Variants in COL11A1 observed in about 807,000 individuals in gnomAD.
The protein encoded by COL11A1 is collagen alpha-1(XI) chain.
In COL11A1, 74 loss-of-function variants were observed where a neutral mutation model predicts 265.2. The observed-to-expected ratio is 0.28, with a 90% CI of 0.23 to 0.34. The LOEUF is 0.34. Ranked by LOEUF, COL11A1 falls within the 10% of genes least tolerant of loss-of-function variation. The probability of loss-of-function intolerance (pLI) is 1.00; values close to 1 mark genes in which losing one functional copy is unlikely to be tolerated. For synonymous variants in COL11A1, 816 were observed against 727.6 expected, an observed-to-expected ratio of 1.12 and a Z score of -1.96; for missense variants, 2,165 against 2,263.6, an observed-to-expected ratio of 0.96 and a Z score of 0.88.
intron 14 of COL11A1, 82 bp downstream of exon 14, chr1:103,012,331 T>G: frequency 2.0e-6 from 2 of 1,003,138 alleles, no homozygotes; most frequent in Non-Finnish European, 3.2e-6. Flanking sequence ...ACCATAGATA[T>G]GCACAATCCC....
intron 14 of COL11A1, among the ~76,000 whole-genome samples, chr1:103,011,957 C>A (rs1666166572): frequency 6.6e-6 from 1 of 152,156 alleles, no homozygotes; most frequent in South Asian, 2.1e-4. Flanking sequence ...GTTGAAGCAC[C>A]TTGTGGAATA....
At position 102,978,178 on chromosome 1, in the gene COL11A1, G is replaced by A. The variant is rs185654452; in HGVS notation, c.2754+530C>T. On this transcript the variant is annotated intron_variant, in intron 35 of 66. Transcript: ENST00000370096. ...TATTTTGCCAAAAAATCCAAACAAA[G>A]GGCATGCTTGTTCATATGTATTTGG... Among the ~76,000 whole-genome samples, 254 of 152,112 alleles carry A rather than the reference G, an allele frequency of 1.7e-3. 1 individual carries two copies. The highest frequency in any genetic ancestry group is 0.01 in the Middle Eastern group (3 of 294).
At position 103,005,850 on chromosome 1, in the gene COL11A1, G is replaced by T; in HGVS notation, c.1833C>A (p.Asp611Glu). 1 of 1,613,956 alleles carries T rather than the reference G, an allele frequency of 6.2e-7. No homozygotes were observed. The highest frequency in any genetic ancestry group is 8.5e-7 in the Non-Finnish European group (1 of 1,180,004). Residue 611 changes from aspartate (D) to glutamate (E), a missense_variant, in exon 18 of 67, where the codon GAC (aspartate) becomes GAA (glutamate). Physicochemically the swap from Asp to Glu is conservative, Grantham distance 45 (BLOSUM62 2). Coordinates refer to ENST00000370096, the MANE Select transcript of COL11A1 (RefSeq NM_001854.4). ...AGATGTATCTTACCCTGTGACCTTT[G>T]TCACCTGGCAGACCCGGAAGTCCAT... ...GFDGLPGLPG[D>E]KGHRGERGPQ...
In COL11A1 at chr1:103,020,148, C is replaced by T. The variant is rs182571250; in HGVS notation, c.1309-1289G>A. Among the ~76,000 whole-genome samples the T allele has an allele frequency of 7.1e-3, 1,077 of 151,968 alleles. 14 individuals are homozygous for T. The highest frequency in any genetic ancestry group is 0.025 in the African/African-American group (1,023 of 41,442). ...CAAATGGTATTTCTAGTTTTAGATC[C>T]CTGAGGAATTGCCACACTGACTTCC... On this transcript the variant is annotated intron_variant, in intron 9 of 66. Coordinates refer to ENST00000370096, the MANE Select transcript of COL11A1 (RefSeq NM_001854.4).
chr1:103,019,134 C>A (rs899323697), intron 9 of COL11A1, among the ~76,000 whole-genome samples: 1 of 151,880 alleles, frequency 6.6e-6, no homozygotes, highest in Non-Finnish European at 1.5e-5. Context: ...CTAAGTGCTC[C>A]CAGGAAGAGT....
At chr1:103,088,821 T>C (rs912504820) in intron 1 of COL11A1, among the ~76,000 whole-genome samples, 2 of 152,218 alleles carry the variant, frequency 1.3e-5, no homozygotes, top group Non-Finnish European at 2.9e-5. Flanking sequence ...CAGCCATGCT[T>C]GCCCAAGGAG....
At chr1:103,014,877 G>A (rs1465981810) in intron 12 of COL11A1, among the ~76,000 whole-genome samples, 1 of 151,896 alleles carries the variant, frequency 6.6e-6, no homozygotes, top group Non-Finnish European at 1.5e-5. Context: ...ATAAACCATT[G>A]TGACTTTTTT....
chr1:103,024,499 T>C (rs1288932394), intron 7 of COL11A1, among the ~76,000 whole-genome samples: 5 of 152,176 alleles, frequency 3.3e-5, no homozygotes, highest in Non-Finnish European at 7.4e-5. Context: ...TAAAATTAAA[T>C]GTCCAATAAC....
intron 7 of COL11A1, among the ~76,000 whole-genome samples, chr1:103,024,708 C>T (rs1330612585): frequency 6.6e-6 from 1 of 152,004 alleles, no homozygotes; most frequent in African/African-American, 2.4e-5. Context: ...AGTTAAAATC[C>T]ATTCTCACCC....
chr1:102,906,564 C>T (rs1030841919), intron 54 of COL11A1, among the ~76,000 whole-genome samples: 21 of 152,026 alleles, frequency 1.4e-4, no homozygotes, highest in Non-Finnish European at 2.2e-4. Context: ...TGTGCCACCA[C>T]ACCTGGGTAA....
chr1:102,998,442 A>T lies in COL11A1; in HGVS notation c.2143-79T>A, dbSNP rs1240269751. 3.1e-6 allele frequency: 3 copies of T among 977,860 alleles called. No individual in the cohort carries two copies. The African/African-American group carries it at 5.0e-5, about 16-fold the overall frequency. 60.6% of individuals were successfully genotyped at this position (977,860 alleles called of 1,614,324 possible). On this transcript the variant is annotated intron_variant, in intron 24 of 66. Coordinates refer to ENST00000370096, the MANE Select transcript of COL11A1 (RefSeq NM_001854.4). ...AACGTGTACATATACTATGAATGAAATTCTTATCCTGAGTCACTGGCTTCA... is the reference window on the plus strand; with the variant it reads ...AACGTGTACATATACTATGAATGAATTTCTTATCCTGAGTCACTGGCTTCA...
chr1:103,099,499 G>T (rs1426663167), intron 1 of COL11A1, among the ~76,000 whole-genome samples: 1 of 149,864 alleles, frequency 6.7e-6, no homozygotes, highest in East Asian at 1.9e-4. Context: ...TGGATAAACT[G>T]CTATTTCTAA....
rs769329430 is a variant in COL11A1, at chr1:102,879,726, T to C, written c.5231A>G (p.Tyr1744Cys). ...TGTTTTGATAAAAGGATTATTGTCATAGGACATCTCCTCATCATTTGATCC... is the reference window on the plus strand; with the variant it reads ...TGTTTTGATAAAAGGATTATTGTCACAGGACATCTCCTCATCATTTGATCC... ...FLGSNDEEMS[Y>C]DNNPFIKTLY... Residue 1744 changes from tyrosine (Y) to cysteine (C), a missense_variant, in exon 66 of 67, where the codon TAT (tyrosine) becomes TGT (cysteine). Coordinates refer to ENST00000370096, the MANE Select transcript of COL11A1 (RefSeq NM_001854.4). 3 of 1,613,936 alleles carry C rather than the reference T, an allele frequency of 1.9e-6. No homozygotes were observed. The highest frequency in any genetic ancestry group is 2.2e-5 in the South Asian group (2 of 91,084).
At chr1:103,051,307 G>C (rs149425045) in intron 4 of COL11A1, among the ~76,000 whole-genome samples, 5,918 of 152,234 alleles carry the variant, frequency 0.039, 128 homozygotes, top group Middle Eastern at 0.1. Flanking sequence ...AATGGCGGGT[G>C]CCCCTCCCCC....
At chr1:102,934,630 A>G in intron 45 of COL11A1, 74 bp from the exon 46 acceptor site, 1 of 1,181,910 alleles carries the variant, frequency 8.5e-7, no homozygotes, top group Non-Finnish European at 1.3e-6. Flanking sequence ...AAATGTGGCC[A>G]TTTCTAATTT....
intron 46 of COL11A1, among the ~76,000 whole-genome samples, chr1:102,924,952 T>C (rs1289718835): frequency 1.3e-5 from 2 of 151,944 alleles, no homozygotes; most frequent in Admixed American, 6.6e-5. Context: ...TATGGATTTT[T>C]TTCAGTTTTT....
intron 1 of COL11A1, among the ~76,000 whole-genome samples, chr1:103,104,308 T>C (rs900382792): frequency 2.5e-4 from 38 of 152,096 alleles, no homozygotes; most frequent in Non-Finnish European, 4.3e-4. Context: ...TGACTCTTTA[T>C]ACAATTTTCT....
chr1:103,025,418 C>T (rs1478572784), intron 7 of COL11A1, 103 bp downstream of exon 7: 1 of 835,256 alleles, frequency 1.2e-6, no homozygotes, highest in African/African-American at 1.7e-5. Flanking sequence ...ATAAAAACAT[C>T]AGATGTTTGA....
At chr1:102,883,876 T>G (rs972119363) in intron 63 of COL11A1, among the ~76,000 whole-genome samples, 12 of 152,180 alleles carry the variant, frequency 7.9e-5, no homozygotes, top group African/African-American at 2.9e-4. Flanking sequence ...AGGACTACTT[T>G]ATATTTTAAT....
Sources: allele counts gnomAD v4.1 joint callset (sites outside exome capture counted in the v4.1 genomes callset), GRCh38; gene constraint gnomAD v4.1.1; transcripts MANE v1.5; gene names NCBI Gene and HGNC (gene_info 2026-07-23, HGNC 2026-07-21).